FSHR: variants seen among roughly 807,000 people sequenced by gnomAD.
The protein encoded by FSHR is follicle-stimulating hormone receptor.
Under a neutral mutation model 52.1 loss-of-function variants are expected in FSHR, and 46 were observed. The ratio of observed to expected loss-of-function variants is 0.88; its 90% CI spans 0.70 to 1.13. The LOEUF is 1.13. Ranked by LOEUF, FSHR falls within the 50% of genes most tolerant of loss-of-function variation. The probability of loss-of-function intolerance (pLI) is 0.00; values close to 1 mark genes in which losing one functional copy is unlikely to be tolerated. For synonymous variants in FSHR, 399 were observed against 309.6 expected, an observed-to-expected ratio of 1.29 and a Z score of -3.03; for missense variants, 964 against 834.6, an observed-to-expected ratio of 1.16 and a Z score of -1.91.
intron 1 of FSHR, among the ~76,000 whole-genome samples, chr2:49,087,070 G>GTTTTTTTTTTT (rs56890721): frequency 4.4e-4 from 38 of 86,726 alleles, no homozygotes; most frequent in East Asian, 3.0e-3. Flanking sequence ...TGTGGGCAGG[G>GTTTTTTTTTTT]TTTTTTTTTT....
rs1405520349 is a variant in FSHR, at chr2:48,968,703, C to T, written c.849G>A (p.Arg283=). The T allele has an allele frequency of 6.2e-7, 1 of 1,614,090 alleles. No homozygotes were observed. Among genetic ancestry groups the T allele is most frequent in the African/African-American group, 1.3e-5 (1 of 75,044 alleles). The change falls in exon 9 of 10, where the codon CGG becomes CGA. Residue 283 remains arginine (R), a synonymous_variant. Coordinates refer to ENST00000406846, the MANE Select transcript of FSHR (RefSeq NM_000145.4). ...SHCCAFANWR[R]QISELHPICN... ...GGCTTAAAGGATGGACTCACATTTG[C>T]CGTCTCCAGTTTGCAAAGGCACAGC...
chr2:48,965,301 T>C (rs1265307934), intron 9 of FSHR, among the ~76,000 whole-genome samples: 1 of 152,180 alleles, frequency 6.6e-6, no homozygotes, highest in East Asian at 1.9e-4. Flanking sequence ...CTCTCCTCTC[T>C]TCTCTCACCC....
chr2:49,140,100 C>A (rs1333160338), intron 1 of FSHR, among the ~76,000 whole-genome samples: 1 of 152,056 alleles, frequency 6.6e-6, no homozygotes, highest in Non-Finnish European at 1.5e-5. Context: ...AATAGGACAT[C>A]ACATCTGACG....
At chr2:49,080,888 C>T (rs1309705800) in intron 1 of FSHR, among the ~76,000 whole-genome samples, 1 of 152,164 alleles carries the variant, frequency 6.6e-6, no homozygotes, top group East Asian at 1.9e-4. Flanking sequence ...CATTATTCCC[C>T]TACTCTAATT....
chr2:49,089,737 C>T (rs1475589791), intron 1 of FSHR, among the ~76,000 whole-genome samples: 1 of 139,094 alleles, frequency 7.2e-6, no homozygotes, highest in Non-Finnish European at 1.7e-5. Context: ...TTTGACAGTT[C>T]CTAATTTGAC....
chr2:49,141,018 A>G (rs1208134624), intron 1 of FSHR, among the ~76,000 whole-genome samples: 1 of 152,214 alleles, frequency 6.6e-6, no homozygotes, highest in Admixed American at 6.5e-5. Context: ...AGAAATGTGT[A>G]AAAGGCAAAA....
rs772949306 is a variant in FSHR, at chr2:48,968,859, A to G, written c.693T>C (p.His231=). The change falls in exon 9 of 10, where the codon CAT becomes CAC. Residue 231 remains histidine, a synonymous_variant. Coordinates refer to ENST00000406846, the MANE Select transcript of FSHR (RefSeq NM_000145.4). ...TTTCTAAGCCATAGCTAGGCAGGGA[A>G]TGGATCCTTGTTCTTGAAATATCTC... ...VILDISRTRI[H]SLPSYGLENL... is the part of the protein sequence containing the mutation. 2 of 1,613,836 alleles carry G rather than the reference A, an allele frequency of 1.2e-6. No homozygotes were observed. The highest frequency in any genetic ancestry group is 2.2e-5 in the South Asian group (2 of 91,068).
chr2:49,060,491 T>C (rs1030997671), intron 2 of FSHR, among the ~76,000 whole-genome samples: 4 of 152,116 alleles, frequency 2.6e-5, no homozygotes, highest in Non-Finnish European at 4.4e-5. Flanking sequence ...CACACCCCAG[T>C]ACCTAAGCTG....
intron 9 of FSHR, among the ~76,000 whole-genome samples, chr2:48,967,928 G>T (rs1395673961): frequency 6.6e-6 from 1 of 152,188 alleles, no homozygotes; most frequent in African/African-American, 2.4e-5. Flanking sequence ...GGCTTATGTA[G>T]GTGAGCTCAG....
chr2:49,068,139 A>C (rs1020553862), intron 2 of FSHR, 80 bp downstream of exon 2: 7 of 1,046,120 alleles, frequency 6.7e-6, no homozygotes, highest in Non-Finnish European at 1.0e-5. Context: ...CTAAGTGCAG[A>C]TAGTCATACT....
At chr2:49,043,222 G>C (rs184323309) in intron 2 of FSHR, among the ~76,000 whole-genome samples, 1 of 152,102 alleles carries the variant, frequency 6.6e-6, no homozygotes, top group East Asian at 1.9e-4. Flanking sequence ...TAAGAGCTCT[G>C]GTTGCACTAA....
In FSHR at chr2:48,963,179, A is replaced by C. The variant is rs1674309825; in HGVS notation, c.1642T>G (p.Cys548Gly). The change falls in exon 10 of 10, where the codon TGC becomes GGC. Residue 548 changes from cysteine (C) to glycine (G), a missense_variant. Physicochemically the swap from Cys to Gly is radical, Grantham distance 159 (BLOSUM62 -3). Coordinates refer to ENST00000406846, the MANE Select transcript of FSHR (RefSeq NM_000145.4). ...NVLAFVVICG[C>G]YIHIYLTVRN... is the part of the protein sequence containing the mutation. The stretch of plus-strand genomic sequence containing the variant: ...ACTGTGAGGTAGATGTGGATATAGC[A>C]GCCACAGATGACCACAAAGGCCAGG... 1 of 1,614,080 alleles carries C rather than the reference A, an allele frequency of 6.2e-7. No individual in the cohort carries two copies. Among genetic ancestry groups the C allele is most frequent in the African/African-American group, 1.3e-5 (1 of 74,948 alleles).
Position 49,127,885 on chromosome 2 carries a change from TCTTCTTCTTC to T in FSHR, c.152+26371_152+26380del, listed in dbSNP as rs1558457036. On this transcript the variant is annotated intron_variant, in intron 1 of 9. Coordinates refer to ENST00000406846, the MANE Select transcript of FSHR (RefSeq NM_000145.4). ...TTCTTCTTCTTCTTCTTCTTCTTCT[TCTTCTTCTTC>T]TTCTTTTTTTTTTTTGAGACGGAGT... Among the ~76,000 whole-genome samples the T allele has an allele frequency of 8.8e-3, 411 of 46,480 alleles. 50 individuals are homozygous for T. The highest frequency in any genetic ancestry group is 0.082 in the East Asian group (103 of 1,250). 30.5% of individuals were successfully genotyped at this position (46,480 alleles called of 152,430 possible). A position where few individuals can be genotyped will look rare whatever the true frequency, so the allele number is the denominator to read the frequency against.
chr2:49,142,279 C>A (rs1672715732), intron 1 of FSHR, among the ~76,000 whole-genome samples: 1 of 151,982 alleles, frequency 6.6e-6, no homozygotes, highest in Non-Finnish European at 1.5e-5. Flanking sequence ...GTGGAGTGGT[C>A]AAAAAGACCC....
At chr2:49,081,950 C>T (rs1044795700) in intron 1 of FSHR, among the ~76,000 whole-genome samples, 66 of 152,246 alleles carry the variant, frequency 4.3e-4, no homozygotes, top group African/African-American at 1.5e-3. Flanking sequence ...TATGATGGCC[C>T]AAGTGTAAAT....
intron 1 of FSHR, among the ~76,000 whole-genome samples, chr2:49,079,748 A>G (rs1670097583): frequency 6.6e-6 from 1 of 152,160 alleles, no homozygotes; most frequent in African/African-American, 2.4e-5. Context: ...CAATTTTACT[A>G]AAGATATAAA....
Position 49,017,470 on chromosome 2 carries a change from A to T in FSHR, c.374+19T>A, listed in dbSNP as rs199897274. On this transcript the variant is annotated intron_variant, in intron 4 of 9. Transcript: ENST00000406846. ...ACTATTTAATCATAGTGGGGGTACC[A>T]AACTACATGAGTTCTTACAGATATT... 3 of 1,590,752 alleles carry T rather than the reference A, an allele frequency of 1.9e-6. No individual in the cohort carries two copies. Among genetic ancestry groups the T allele is most frequent in the Non-Finnish European group, 2.6e-6 (3 of 1,159,086 alleles).
intron 1 of FSHR, among the ~76,000 whole-genome samples, chr2:49,111,843 T>C: frequency 6.6e-6 from 1 of 152,194 alleles, no homozygotes; most frequent in Non-Finnish European, 1.5e-5. Flanking sequence ...CACCCCTCAG[T>C]AATTATTTCT....
chr2:49,099,333 TTC>T (rs1670941156), intron 1 of FSHR, among the ~76,000 whole-genome samples: 1 of 152,064 alleles, frequency 6.6e-6, no homozygotes, highest in Non-Finnish European at 1.5e-5. Context: ...TTGGCTCTCA[TTC>T]TCTCTCTTGC....
Sources: gnomAD v4.1 joint callset for allele counts (sites outside exome capture counted in the v4.1 genomes callset) on GRCh38, gnomAD v4.1.1 for gene constraint, MANE v1.5 for transcripts, NCBI Gene and HGNC (gene_info 2026-07-23, HGNC 2026-07-21) for gene names.